Variants in VRK2 observed in about 807,000 individuals in gnomAD.
VRK2 encodes the protein serine/threonine-protein kinase VRK2.
Under a neutral mutation model 57.6 loss-of-function variants are expected in VRK2, and 60 were observed. The observed-to-expected ratio is 1.04, with a 90% confidence interval of 0.85 to 1.29. The LOEUF is 1.29. Ranked by LOEUF, VRK2 falls within the 50% of genes most tolerant of loss-of-function variation. VRK2 has a pLI of 0.00. For missense variants in VRK2, 705 were observed against 588.1 expected (o/e 1.20, Z -2.06); for synonymous variants, 231 against 199.2 (o/e 1.16, Z -1.35).
At chr2:57,979,785 G>A (rs1672365321) in intron 1 of VRK2, among the ~76,000 whole-genome samples, 3 of 152,152 alleles carry the variant, frequency 2.0e-5, no homozygotes, top group African/African-American at 4.8e-5. Context: ...GTGTTTCCAG[G>A]AATTTATTCA....
At chr2:58,153,636 T>A (rs527637357) in intron 12 of VRK2, among the ~76,000 whole-genome samples, 1 of 152,154 alleles carries the variant, frequency 6.6e-6, no homozygotes, top group Non-Finnish European at 1.5e-5. Flanking sequence ...TGAGGAGTTT[T>A]ACATCTGTGC....
chr2:57,970,839 A>G (rs1672074081), intron 1 of VRK2, among the ~76,000 whole-genome samples: 1 of 152,000 alleles, frequency 6.6e-6, no homozygotes, highest in South Asian at 2.1e-4. Context: ...GCTAGATTAC[A>G]TTAAAACCAG....
intron 12 of VRK2, among the ~76,000 whole-genome samples, chr2:58,154,559 T>A (rs1683503573): frequency 6.6e-6 from 1 of 152,132 alleles, no homozygotes; most frequent in Non-Finnish European, 1.5e-5. Flanking sequence ...ATTTCCCTTC[T>A]AGCATGACAT....
intron 1 of VRK2, among the ~76,000 whole-genome samples, chr2:57,981,101 G>C (rs1031397704): frequency 6.6e-6 from 1 of 152,124 alleles, no homozygotes; most frequent in Non-Finnish European, 1.5e-5. Context: ...TTTTTATGTA[G>C]ATTTGATTGT....
At chr2:57,919,080 G>T (rs1670251073) in intron 1 of VRK2, among the ~76,000 whole-genome samples, 1 of 152,058 alleles carries the variant, frequency 6.6e-6, no homozygotes, top group Non-Finnish European at 1.5e-5. Flanking sequence ...AATTCATCAA[G>T]ACTGTTCTGC....
intron 7 of VRK2, among the ~76,000 whole-genome samples, chr2:58,094,088 T>G (rs926068125): frequency 6.6e-5 from 10 of 152,248 alleles, no homozygotes; most frequent in African/African-American, 2.4e-4. Context: ...TAGTTTGAAG[T>G]CAGGTAGCCT....
intron 11 of VRK2, among the ~76,000 whole-genome samples, chr2:58,143,381 A>G (rs550748660): frequency 2.5e-4 from 38 of 152,026 alleles, no homozygotes; most frequent in Non-Finnish European, 3.1e-4. Context: ...GTATTTTTCT[A>G]TCTTTGAGAA....
At chr2:58,065,042 A>G (rs1214050817) in intron 2 of VRK2, among the ~76,000 whole-genome samples, 2 of 152,040 alleles carry the variant, frequency 1.3e-5, no homozygotes, top group African/African-American at 4.8e-5. Context: ...TGCATTTTCT[A>G]CCACAGTTTT....
intron 2 of VRK2, among the ~76,000 whole-genome samples, chr2:58,054,638 G>A (rs993688927): frequency 6.7e-4 from 102 of 152,096 alleles, no homozygotes; most frequent in African/African-American, 2.4e-3. Flanking sequence ...TCAGATAAAT[G>A]AGAAGAAAAT....
In VRK2 at chr2:58,123,153, A is replaced by G. The variant is rs1414130276; in HGVS notation, c.596A>G (p.His199Arg). The G allele has an allele frequency of 6.3e-7, 1 of 1,596,914 alleles. No homozygotes were observed. The highest frequency in any genetic ancestry group is 8.5e-7 in the Non-Finnish European group (1 of 1,175,398). Residue 199 changes from histidine (H) to arginine (R), a missense_variant, in exon 8 of 13, where the codon CAC (histidine) becomes CGC (arginine). By Grantham distance (29) the His-to-Arg change is conservative. Transcript: ENST00000340157. The part of the protein sequence containing the change: ...LSYRYCPNGN[H>R]KQYQENPRKG... ...TACAGATATTGTCCCAATGGGAACC[A>G]CAAACAGTATCAGGAAAATCCTAGA... is the stretch of plus-strand genomic sequence containing the variant.
chr2:57,988,086 G>A (rs1672654433), intron 1 of VRK2, among the ~76,000 whole-genome samples: 1 of 151,996 alleles, frequency 6.6e-6, no homozygotes, highest in South Asian at 2.1e-4. Flanking sequence ...AATGGTGGTG[G>A]TTACACAACT....
chr2:57,943,724 A>G (rs996132093), intron 1 of VRK2, among the ~76,000 whole-genome samples: 2 of 152,216 alleles, frequency 1.3e-5, no homozygotes, highest in Admixed American at 1.3e-4. Flanking sequence ...CCTTTTTCCA[A>G]CTAGACTTAG....
intron 1 of VRK2, among the ~76,000 whole-genome samples, chr2:57,969,819 A>C (rs1168195422): frequency 2.6e-5 from 4 of 152,058 alleles, no homozygotes; most frequent in African/African-American, 9.7e-5. Flanking sequence ...CTGCCTTTGG[A>C]GCACCCTTGC....
At chr2:57,959,176 T>G (rs1386600395) in intron 1 of VRK2, among the ~76,000 whole-genome samples, 1 of 152,190 alleles carries the variant, frequency 6.6e-6, no homozygotes, top group Non-Finnish European at 1.5e-5. Flanking sequence ...GGGTGTTCTA[T>G]CTTTGAGTTC....
chr2:58,030,359 T>C (rs1479621683), intron 2 of VRK2, among the ~76,000 whole-genome samples: 2 of 152,116 alleles, frequency 1.3e-5, no homozygotes, highest in East Asian at 3.9e-4. Context: ...TGCCTAGATT[T>C]TCTTCTAGGG....
intron 1 of VRK2, among the ~76,000 whole-genome samples, chr2:57,995,143 A>G (rs190180412): frequency 1.3e-5 from 2 of 152,346 alleles, no homozygotes; most frequent in Admixed American, 6.5e-5. Context: ...CTCTGAGATC[A>G]TATCAGTGAA....
chr2:57,960,333 T>C (rs1254747590), intron 1 of VRK2, among the ~76,000 whole-genome samples: 1 of 152,072 alleles, frequency 6.6e-6, no homozygotes, highest in Non-Finnish European at 1.5e-5. Flanking sequence ...CCAGTGTTGC[T>C]CAACACATCA....
chr2:57,938,542 A>G (rs1052310490), intron 1 of VRK2, among the ~76,000 whole-genome samples: 3 of 152,222 alleles, frequency 2.0e-5, no homozygotes, highest in Non-Finnish European at 4.4e-5. Context: ...ATACCACTTA[A>G]TGCATTATCA....
At chr2:58,154,614 C>T (rs377065027) in intron 12 of VRK2, 103 of 605,372 alleles carry the variant, frequency 1.7e-4, no homozygotes, top group East Asian at 1.5e-3. Flanking sequence ...TATTTCCATT[C>T]GGTTCAATGT....
Sources: gnomAD v4.1 joint callset for allele counts (sites outside exome capture counted in the v4.1 genomes callset) on GRCh38, gnomAD v4.1.1 for gene constraint, MANE v1.5 for transcripts, NCBI Gene and HGNC (gene_info 2026-07-23, HGNC 2026-07-21) for gene names.